SMC4: variants seen among roughly 807,000 people sequenced by gnomAD.
The protein encoded by SMC4 is structural maintenance of chromosomes protein 4.
SMC4 carries 87 observed loss-of-function variants against 145.6 expected under a neutral mutation model. The ratio of observed to expected loss-of-function variants is 0.60; its 90% CI spans 0.50 to 0.71. The LOEUF is 0.71. Among genes scored for constraint, SMC4 ranks in the 30% least tolerant of loss-of-function variants. SMC4 has a pLI of 0.00. For missense variants in SMC4, 1,447 were observed against 1,537.1 expected (o/e 0.94, Z 0.98); for synonymous variants, 558 against 500.7 (o/e 1.11, Z -1.53).
At chr3:160,408,825 A>G (rs566687289) in intron 5 of SMC4, among the ~76,000 whole-genome samples, 1 of 152,296 alleles carries the variant, frequency 6.6e-6, no homozygotes, top group Admixed American at 6.5e-5. Flanking sequence ...TAGGGCAGGC[A>G]AAGGACATCA....
Position 160,423,353 on chromosome 3 carries a change from TTTTTTG to T in SMC4, c.2020-66_2020-61del, listed in dbSNP as rs373799882. 6.1e-4 allele frequency: 585 copies of T among 964,610 alleles called. 4 individuals are homozygous for T. The highest frequency in any genetic ancestry group is 4.7e-3 in the African/African-American group (246 of 52,740). The allele number at this position is 964,610 out of a possible 1,614,324, so 59.8% of individuals were successfully genotyped here. A position where few individuals can be genotyped will look rare whatever the true frequency, so the allele number is the denominator to read the frequency against. ...TTGTTGAATTTATTCCTATGGGTTT[TTTTTTG>T]TTTTTTTTTTTGAGTTTTCTTTTTT... is the stretch of plus-strand genomic sequence containing the variant. On this transcript the variant is annotated intron_variant, in intron 13 of 23. Coordinates refer to ENST00000357388, the MANE Select transcript of SMC4 (RefSeq NM_001002800.3).
chr3:160,415,954 G>T (rs933732790), intron 9 of SMC4, among the ~76,000 whole-genome samples: 4 of 152,172 alleles, frequency 2.6e-5, no homozygotes, highest in Admixed American at 6.5e-5. Context: ...AGCTAAAGAA[G>T]AATAATTACA....
At chr3:160,404,577 A>T (rs1160655971) in intron 5 of SMC4, 73 bp downstream of exon 5, 1 of 1,460,994 alleles carries the variant, frequency 6.8e-7, no homozygotes, top group African/African-American at 1.4e-5. Flanking sequence ...GGTTGGATGA[A>T]TCCTACATTT....
chr3:160,424,983 G>A lies in SMC4; in HGVS notation c.2442G>A (p.Met814Ile). 1 of 1,610,368 alleles carries A rather than the reference G, an allele frequency of 6.2e-7. No individual in the cohort carries two copies. Among genetic ancestry groups the A allele is most frequent in the Non-Finnish European group, 8.5e-7 (1 of 1,178,400 alleles). Reference sequence around the variant, plus strand: ...AGTTACGGCATAGTGAACGAGAAATGAGGAACACACTAGAAAAATTTACTG... The same window carrying A: ...AGTTACGGCATAGTGAACGAGAAATAAGGAACACACTAGAAAAATTTACTG... ...VVKLRHSERE[M>I]RNTLEKFTAS... Residue 814 changes from methionine (M) to isoleucine (I), a missense_variant, in exon 16 of 24, where the codon ATG becomes ATA. By Grantham distance (10) the Met-to-Ile change is conservative (BLOSUM62 1). Coordinates refer to ENST00000357388, the MANE Select transcript of SMC4 (RefSeq NM_001002800.3).
rs3773370 is a variant in SMC4 at position 160,434,205 on chromosome 3, C to T, written c.*396C>T. ...TGGATAGATTCTTTAAGGCATTCCA[C>T]TTAGCTTGCCAGTTGAGACAATCAC... On this transcript the variant is annotated 3_prime_UTR_variant, in exon 24 of 24. Coordinates refer to ENST00000357388, the MANE Select transcript of SMC4 (RefSeq NM_001002800.3). The T allele has an allele frequency of 0.042, 6,563 of 156,768 alleles. 450 individuals are homozygous for T. Among genetic ancestry groups the T allele is most frequent in the African/African-American group, 0.14 (5,694 of 41,590 alleles). The allele number at this position is 156,768 out of a possible 1,614,324, so 9.7% of individuals were successfully genotyped here.
At position 160,417,594 on chromosome 3, in the gene SMC4, TTTC is replaced by T. The variant is rs1045089673; in HGVS notation, c.1438-126_1438-124del. On this transcript the variant is annotated intron_variant, in intron 10 of 23. Coordinates refer to ENST00000357388, the MANE Select transcript of SMC4 (RefSeq NM_001002800.3). The stretch of plus-strand genomic sequence containing the variant: ...ACTGAATCTAGTCCACTTGTGAGAA[TTTC>T]TTATTTCTATATACTGTGCTTATAG... 2.5e-5 allele frequency: 19 copies of T among 749,672 alleles called. No individual in the cohort carries two copies. In the Middle Eastern group the frequency reaches 1.6e-3, roughly 64 times the overall value. 46.4% of individuals were successfully genotyped at this position (749,672 alleles called of 1,614,324 possible). A position where few individuals can be genotyped will look rare whatever the true frequency, so the allele number is the denominator to read the frequency against.
chr3:160,400,787 G>C, intron 1 of SMC4, 35 bp from the exon 2 acceptor site: 1 of 1,466,116 alleles, frequency 6.8e-7, no homozygotes, highest in Non-Finnish European at 8.9e-7. Flanking sequence ...AGCGGCCCGC[G>C]GGCTGACTTG....
chr3:160,433,081 A>G lies in SMC4; in HGVS notation c.3586A>G (p.Lys1196Glu). ...GATCTTCAACCTTTCGGGAGGAGAG[A>G]AAACACTTAGTTCATTGGCTTTAGT... is the stretch of plus-strand genomic sequence containing the variant. ...KKIFNLSGGE[K>E]TLSSLALVFA... is the part of the protein sequence containing the mutation. The change falls in exon 23 of 24, where the codon AAA becomes GAA. Residue 1196 changes from lysine to glutamate, a missense_variant. Transcript: ENST00000357388. 1.2e-6 allele frequency: 2 copies of G among 1,613,658 alleles called. No homozygotes were observed. Among genetic ancestry groups the G allele is most frequent in the Non-Finnish European group, 1.7e-6 (2 of 1,179,650 alleles).
chr3:160,427,526 G>A (rs1717918719), intron 17 of SMC4, among the ~76,000 whole-genome samples: 1 of 152,036 alleles, frequency 6.6e-6, no homozygotes, highest in African/African-American at 2.4e-5. Flanking sequence ...GCTATTAATG[G>A]CAACATTTTC....
chr3:160,412,203 A>G (rs1576953956), intron 6 of SMC4, 119 bp downstream of exon 6: 6 of 1,404,720 alleles, frequency 4.3e-6, no homozygotes, highest in Non-Finnish European at 5.8e-6. Context: ...ATTGAAATTT[A>G]TATCTTAACA....
intron 5 of SMC4, among the ~76,000 whole-genome samples, chr3:160,409,265 CAAAAAAAAAAAA>C (rs10547167): frequency 8.6e-4 from 53 of 61,982 alleles, no homozygotes; most frequent in South Asian, 6.1e-3. Context: ...AACTCCGTCT[CAAAAAAAAAAAA>C]AAAAAAAAAA....
At chr3:160,406,812 T>C (rs1715381906) in intron 5 of SMC4, among the ~76,000 whole-genome samples, 1 of 152,200 alleles carries the variant, frequency 6.6e-6, no homozygotes, top group South Asian at 2.1e-4. Flanking sequence ...TAATTGGCCA[T>C]TCAATTGAAT....
intron 3 of SMC4, 99 bp from the exon 4 acceptor site, chr3:160,402,577 A>T: frequency 7.9e-7 from 1 of 1,267,390 alleles, no homozygotes; most frequent in Non-Finnish European, 1.1e-6. Flanking sequence ...TGCAGTTTTT[A>T]ACTGCAAGTA....
At chr3:160,423,310 G>A in intron 13 of SMC4, 115 bp from the exon 14 acceptor site, 2 of 771,656 alleles carry the variant, frequency 2.6e-6, no homozygotes, top group South Asian at 3.9e-5. Context: ...AACCTTTTGT[G>A]TATAATTCTT....
At chr3:160,401,808 TC>T in intron 2 of SMC4, 106 bp from the exon 3 acceptor site, 1 of 785,498 alleles carries the variant, frequency 1.3e-6, no homozygotes, top group Non-Finnish European at 2.1e-6. Flanking sequence ...CATCCCTCCA[TC>T]CCCTACTTTA....
chr3:160,413,462 C>A lies in SMC4; in HGVS notation c.981-11C>A. ...AGCTTCAATTTCTTTTTTTTTTTTT[C>A]CTCCCTATAGTTATGAGTTGCAGAA... On this transcript the variant is annotated splice_polypyrimidine_tract_variant and intron_variant, in intron 7 of 23. Coordinates refer to ENST00000357388, the MANE Select transcript of SMC4 (RefSeq NM_001002800.3). 3 of 1,496,044 alleles carry A rather than the reference C, an allele frequency of 2.0e-6. No individual in the cohort carries two copies. Among genetic ancestry groups the A allele is most frequent in the East Asian group, 2.6e-5 (1 of 38,988 alleles). 92.7% of individuals were successfully genotyped at this position (1,496,044 alleles called of 1,614,324 possible). A position where few individuals can be genotyped will look rare whatever the true frequency, so the allele number is the denominator to read the frequency against.
intron 20 of SMC4, among the ~76,000 whole-genome samples, chr3:160,431,425 C>CGGGT (rs1167391579): frequency 6.6e-6 from 1 of 152,152 alleles, no homozygotes; most frequent in Admixed American, 6.5e-5. Flanking sequence ...GACAACTACC[C>CGGGT]TTTCACCCTA....
chr3:160,404,194 G>A (rs760172473), intron 4 of SMC4, 134 bp from the exon 5 acceptor site: 16 of 698,868 alleles, frequency 2.3e-5, no homozygotes, highest in Non-Finnish European at 3.3e-5. Context: ...GAGAACTACT[G>A]GCAGTTTGTG....
chr3:160,402,173 T>A, intron 3 of SMC4, 80 bp downstream of exon 3: 1 of 896,092 alleles, frequency 1.1e-6, no homozygotes, highest in Non-Finnish European at 1.6e-6. Flanking sequence ...ATGTTTCAGT[T>A]TTGTAACTAT....
Sources: gnomAD v4.1 joint callset for allele counts (sites outside exome capture counted in the v4.1 genomes callset) on GRCh38, gnomAD v4.1.1 for gene constraint, MANE v1.5 for transcripts, NCBI Gene and HGNC (gene_info 2026-07-23, HGNC 2026-07-21) for gene names.